Variants in PIK3R6 observed in about 807,000 individuals in gnomAD.
PIK3R6 encodes the protein phosphoinositide 3-kinase regulatory subunit 6.
PIK3R6 carries 91 observed loss-of-function variants against 84.9 expected under a neutral mutation model. The ratio of observed to expected loss-of-function variants is 1.07; its 90% CI spans 0.90 to 1.28. The LOEUF (loss-of-function observed/expected upper bound fraction) is 1.28. PIK3R6 is among the 50% of genes most tolerant of loss of function. The pLI is 0.00. For synonymous variants in PIK3R6, 416 were observed against 411.4 expected, an observed-to-expected ratio of 1.01 and a Z score of -0.13; for missense variants, 996 against 985.1, an observed-to-expected ratio of 1.01 and a Z score of -0.15.
Position 8,804,160 on chromosome 17 carries a change from C to T in PIK3R6, c.1996-7G>A, listed in dbSNP as rs756008790. 3 of 1,608,468 alleles carry T rather than the reference C, an allele frequency of 1.9e-6. No individual in the cohort carries two copies. In the Admixed American group the frequency reaches 5.0e-5, roughly 27 times the overall value. On this transcript the variant is annotated splice_region_variant and splice_polypyrimidine_tract_variant and intron_variant, in intron 18 of 19. Coordinates refer to ENST00000619866, the MANE Select transcript of PIK3R6 (RefSeq NM_001010855.4). Reference sequence around the variant, plus strand: ...TGAAGGTGTTGGTCACTGTCTGCAGCACAGAGATCGCACGTGTGAGTGTTG... The same window carrying T: ...TGAAGGTGTTGGTCACTGTCTGCAGTACAGAGATCGCACGTGTGAGTGTTG...
At chr17:8,840,770 T>TGTGA (rs1344952564) in intron 2 of PIK3R6, among the ~76,000 whole-genome samples, 4 of 150,968 alleles carry the variant, frequency 2.6e-5, no homozygotes, top group Non-Finnish European at 5.9e-5. Context: ...TGTGTGTGTG[T>TGTGA]GAGACGGAGT....
intron 10 of PIK3R6, among the ~76,000 whole-genome samples, chr17:8,829,355 GACAC>G (rs754159026): frequency 2.3e-5 from 3 of 128,916 alleles, no homozygotes; most frequent in South Asian, 2.5e-4. Context: ...CAGACACACT[GACAC>G]ACACACATGC....
At chr17:8,823,881 A>C (rs2087829494) in intron 13 of PIK3R6, among the ~76,000 whole-genome samples, 1 of 151,986 alleles carries the variant, frequency 6.6e-6, no homozygotes, top group Non-Finnish European at 1.5e-5. Flanking sequence ...AGTTATTCAA[A>C]CTCTATGAGG....
intron 18 of PIK3R6, among the ~76,000 whole-genome samples, chr17:8,814,323 G>A (rs972647352): frequency 2.1e-5 from 3 of 142,612 alleles, no homozygotes; most frequent in Non-Finnish European, 3.0e-5. Context: ...AGATTCAAAT[G>A]ATTCTCCTGC....
In PIK3R6 at chr17:8,815,525, G is replaced by T. The variant is rs567950791; in HGVS notation, c.1995+3558C>A. Among the ~76,000 whole-genome samples, 6 of 151,560 alleles carry T rather than the reference G, an allele frequency of 4.0e-5. No homozygotes were observed. The South Asian group carries it at 8.3e-4, about 21-fold the overall frequency. ...GTCTCAGAAAAAAAAAAAAAAGGTT[G>T]ATCACGTACCAGGCAACAAAGAAAA... On this transcript the variant is annotated intron_variant, in intron 18 of 19. Coordinates refer to ENST00000619866, the MANE Select transcript of PIK3R6 (RefSeq NM_001010855.4).
In PIK3R6 at chr17:8,828,200, G is replaced by C. The variant is rs374913677; in HGVS notation, c.1314-10C>G. 2 of 1,613,490 alleles carry C rather than the reference G, an allele frequency of 1.2e-6. No homozygotes were observed. Among genetic ancestry groups the C allele is most frequent in the Non-Finnish European group, 1.7e-6 (2 of 1,179,552 alleles). ...CTGGGTCTCCCGTTTCCTAGCAATG[G>C]GCAGCAAAGCAGAGGAGGTTAGGGG... On this transcript the variant is annotated splice_polypyrimidine_tract_variant and intron_variant, in intron 11 of 19. Transcript: ENST00000619866.
chr17:8,821,961 G>C, intron 16 of PIK3R6, 25 bp from the exon 17 acceptor site: 1 of 1,538,426 alleles, frequency 6.5e-7, no homozygotes, highest in East Asian at 2.4e-5. Flanking sequence ...CGAGGAACAG[G>C]TGGAGGTGCT....
rs1210585844 is a variant in PIK3R6 at position 8,837,014 on chromosome 17, G to A, written c.259-91C>T. On this transcript the variant is annotated intron_variant, in intron 5 of 19. Coordinates refer to ENST00000619866, the MANE Select transcript of PIK3R6 (RefSeq NM_001010855.4). ...TGAAGGGTCCCGGGGGAGTTTCCGGGGAGGGGCTTGGGAGAAGAGGTGGAA... is the reference window on the plus strand; with the variant it reads ...TGAAGGGTCCCGGGGGAGTTTCCGGAGAGGGGCTTGGGAGAAGAGGTGGAA... The A allele has an allele frequency of 6.1e-6, 6 of 986,782 alleles. No individual in the cohort carries two copies. The Admixed American group carries it at 8.3e-5, about 14-fold the overall frequency. 61.1% of individuals were successfully genotyped at this position (986,782 alleles called of 1,614,324 possible).
intron 1 of PIK3R6, among the ~76,000 whole-genome samples, chr17:8,858,054 G>C (rs963361014): frequency 2.6e-5 from 4 of 152,198 alleles, no homozygotes; most frequent in Non-Finnish European, 5.9e-5. Context: ...TGCAGGTGCT[G>C]CTTCCTTGCT....
chr17:8,805,732 A>G (rs2087185622), intron 18 of PIK3R6, among the ~76,000 whole-genome samples: 1 of 152,150 alleles, frequency 6.6e-6, no homozygotes, highest in African/African-American at 2.4e-5. Flanking sequence ...CCTGGCCAAC[A>G]TGGTGAAACC....
At chr17:8,831,538 T>A (rs1277364062) in intron 9 of PIK3R6, among the ~76,000 whole-genome samples, 1 of 151,968 alleles carries the variant, frequency 6.6e-6, no homozygotes, top group Admixed American at 6.6e-5. Context: ...TTTTTCCATG[T>A]GGGATCAGAG....
Position 8,839,716 on chromosome 17 carries a change from G to A in PIK3R6, c.14-19C>T. 1 of 1,552,448 alleles carries A rather than the reference G, an allele frequency of 6.4e-7. No individual in the cohort carries two copies. The highest frequency in any genetic ancestry group is 8.7e-7 in the Non-Finnish European group (1 of 1,145,982). The stretch of plus-strand genomic sequence containing the variant: ...TCCACATCTGGGCAGTGGTAGGGGT[G>A]GGAGGAAACTCAGTCCACTGAACCT... On this transcript the variant is annotated intron_variant, in intron 2 of 19. Transcript: ENST00000619866. The surrounding 1 kb of genome is among the most constrained non-coding windows in gnomAD (Gnocchi z 4.2).
At chr17:8,840,506 C>G (rs1190494862) in intron 2 of PIK3R6, among the ~76,000 whole-genome samples, 1 of 144,990 alleles carries the variant, frequency 6.9e-6, no homozygotes, top group Non-Finnish European at 1.5e-5. Flanking sequence ...TATATAGCCT[C>G]CAAATATATA....
At chr17:8,835,485 G>A (rs772752925) in intron 7 of PIK3R6, 29 bp from the exon 8 acceptor site, 2 of 1,512,606 alleles carry the variant, frequency 1.3e-6, no homozygotes, top group Non-Finnish European at 1.8e-6. Flanking sequence ...GGGAGAGGTG[G>A]GATTGATAGT....
At chr17:8,838,274 G>A (rs1239214477) in intron 4 of PIK3R6, 2 of 449,294 alleles carry the variant, frequency 4.5e-6, no homozygotes, top group African/African-American at 2.0e-5. Context: ...GTCAATAGTC[G>A]TATATTTATG....
At chr17:8,819,866 A>G (rs1402667384) in intron 17 of PIK3R6, among the ~76,000 whole-genome samples, 1 of 145,316 alleles carries the variant, frequency 6.9e-6, no homozygotes, top group Non-Finnish European at 1.5e-5. Flanking sequence ...AGACACACAT[A>G]TATATGTATA....
chr17:8,860,594 C>T (rs1327555651), intron 1 of PIK3R6, among the ~76,000 whole-genome samples: 1 of 152,084 alleles, frequency 6.6e-6, no homozygotes, highest in East Asian at 1.9e-4. Context: ...CCAGGAGAAG[C>T]CACAGTTTTT....
At position 8,838,594 on chromosome 17, in the gene PIK3R6, C is replaced by A. The variant is rs1386966731; in HGVS notation, c.159G>T (p.Leu53=). 1.2e-6 allele frequency: 2 copies of A among 1,606,334 alleles called. No homozygotes were observed. The highest frequency in any genetic ancestry group is 1.7e-6 in the Non-Finnish European group (2 of 1,176,424). Residue 53 remains leucine (L), a synonymous_variant, in exon 4 of 20, where the codon CTG becomes CTT. Transcript: ENST00000619866. ...VERDPGKSPV[L]VRILLRELEK... is the part of the protein sequence containing the mutation. ...CCAGTTCTCTGAGAAGAATGCGGACCAGCACTGGGCTCTTACCGGGATCTC... is the reference window on the plus strand; with the variant it reads ...CCAGTTCTCTGAGAAGAATGCGGACAAGCACTGGGCTCTTACCGGGATCTC...
rs560305358 is a variant in PIK3R6 at position 8,828,687 on chromosome 17, C to T, written c.1193G>A (p.Gly398Asp). The T allele has an allele frequency of 4.8e-5, 77 of 1,611,730 alleles. No individual in the cohort carries two copies. In the South Asian group the frequency reaches 7.6e-4, roughly 16 times the overall value. ...CATTTCCCCATCCCCACTGGGCCGG[C>T]CTGTCCTCCGGTGCAGCCCTGGGGG... ...DGPPGLHRRT[G>D]RPSGDGEMLP... Residue 398 changes from glycine to aspartate, a missense_variant, in exon 11 of 20, where the codon GGC (glycine) becomes GAC (aspartate). Coordinates refer to ENST00000619866, the MANE Select transcript of PIK3R6 (RefSeq NM_001010855.4).
Sources: gnomAD v4.1 joint callset for allele counts (sites outside exome capture counted in the v4.1 genomes callset) on GRCh38, gnomAD v4.1.1 for gene constraint, Gnocchi (gnomAD v3.1) non-coding constraint, MANE v1.5 for transcripts, NCBI Gene and HGNC (gene_info 2026-07-23, HGNC 2026-07-21) for gene names.